Variants in TNRC6C observed in about 807,000 individuals in gnomAD.
TNRC6C encodes trinucleotide repeat-containing gene 6C protein.
Under a neutral mutation model 153.7 loss-of-function variants are expected in TNRC6C, and 20 were observed. The observed-to-expected ratio is 0.13, with a 90% CI of 0.09 to 0.19. TNRC6C has a LOEUF of 0.19. TNRC6C is among the 10% of genes least tolerant of loss of function. The pLI is 1.00. For synonymous variants in TNRC6C, 811 were observed against 841.4 expected (o/e 0.96, Z 0.63); for missense variants, 1,987 against 2,172.0 (o/e 0.91, Z 1.69).
At chr17:77,963,954 CTTTA>C (rs1299653403) in intron 1 of TNRC6C, among the ~76,000 whole-genome samples, 1 of 152,170 alleles carries the variant, frequency 6.6e-6, no homozygotes, top group Non-Finnish European at 1.5e-5. Flanking sequence ...CCATCTTCCT[CTTTA>C]TTTGCCTCTT....
In TNRC6C at chr17:78,105,973, C is replaced by T. The variant is rs117351878; in HGVS notation, c.*1128C>T. On this transcript the variant is annotated 3_prime_UTR_variant, in exon 20 of 20. Coordinates refer to ENST00000301624, the Ensembl canonical transcript of TNRC6C. ...AAATAACATGTATACCTACCTTTAG[C>T]AGCTTTTTATTGTGGACTAATGCAA... is the stretch of plus-strand genomic sequence containing the variant. 2.4e-4 allele frequency: 36 copies of T among 151,822 alleles called. 1 individual carries two copies. In the East Asian group the frequency reaches 6.6e-3, roughly 28 times the overall value. 9.4% of individuals were successfully genotyped at this position (151,822 alleles called of 1,614,324 possible).
intron 1 of TNRC6C, among the ~76,000 whole-genome samples, chr17:77,977,228 A>G (rs1015405127): frequency 5.3e-5 from 8 of 152,174 alleles, no homozygotes; most frequent in African/African-American, 1.9e-4. Context: ...TGATTTATAC[A>G]TATGTATTTA....
intron 6 of TNRC6C, 100 bp downstream of exon 8, chr17:78,071,265 A>G: frequency 8.3e-7 from 1 of 1,200,446 alleles, no homozygotes; most frequent in South Asian, 1.3e-5. Context: ...AGAAGACACC[A>G]AGATTGTTTG....
chr17:78,102,863 C>T (rs778358820), intron 18 of TNRC6C: 9 of 322,220 alleles, frequency 2.8e-5, no homozygotes, highest in Admixed American at 4.8e-5. Context: ...CCTGGCTGGG[C>T]GCAGTAGCTC....
chr17:77,999,888 G>C (rs555419792), upstream of TNRC6C, among the ~76,000 whole-genome samples: 64 of 152,324 alleles, frequency 4.2e-4, 1 homozygote, highest in African/African-American at 1.5e-3. Flanking sequence ...GGAGTCTTAC[G>C]TAACACAGCC....
intron 1 of TNRC6C, among the ~76,000 whole-genome samples, chr17:77,988,419 ATCT>A (rs2071203408): frequency 6.6e-6 from 1 of 152,080 alleles, no homozygotes; most frequent in South Asian, 2.1e-4. Flanking sequence ...TTTCCATTGC[ATCT>A]TCTTCCCAGC....
At chr17:78,031,493 C>A in intron 1 of TNRC6C, 23 bp from the exon 4 acceptor site, 2 of 1,231,924 alleles carry the variant, frequency 1.6e-6, no homozygotes, top group South Asian at 4.1e-5. Context: ...GTTTTGGGTT[C>A]TTTTGCCTTT....
At chr17:78,089,516 A>G (rs1247853130) in intron 13 of TNRC6C, among the ~76,000 whole-genome samples, 1 of 152,104 alleles carries the variant, frequency 6.6e-6, no homozygotes, top group African/African-American at 2.4e-5. Flanking sequence ...ACACTCATCA[A>G]TTCATGTAAA....
At chr17:78,051,675 T>G (rs549717062) in intron 3 of TNRC6C, among the ~76,000 whole-genome samples, 1 of 152,150 alleles carries the variant, frequency 6.6e-6, no homozygotes, top group East Asian at 1.9e-4. Context: ...TTAAGCACAC[T>G]CAGTAGAACA....
At chr17:78,078,252 G>A (rs1484270421) in intron 9 of TNRC6C, among the ~76,000 whole-genome samples, 2 of 152,194 alleles carry the variant, frequency 1.3e-5, no homozygotes, top group African/African-American at 2.4e-5. Flanking sequence ...CTGGGGTTAG[G>A]TTCACAGCTG....
upstream of TNRC6C, among the ~76,000 whole-genome samples, chr17:78,001,522 G>A (rs2071411762): frequency 6.6e-6 from 1 of 152,108 alleles, no homozygotes; most frequent in Admixed American, 6.5e-5. Flanking sequence ...TTCACACCAT[G>A]GTACATTATG....
At chr17:77,972,468 C>T (rs1003339070) in intron 1 of TNRC6C, among the ~76,000 whole-genome samples, 10 of 150,622 alleles carry the variant, frequency 6.6e-5, no homozygotes, top group Non-Finnish European at 1.5e-4. Flanking sequence ...GCCCAGATGG[C>T]GCCACTGCAC....
In TNRC6C at chr17:78,063,177, G is replaced by A. The variant is rs143277110; in HGVS notation, c.2396-1545G>A. Among the ~76,000 whole-genome samples the A allele has an allele frequency of 3.9e-3, 590 of 151,304 alleles. 7 individuals carry two copies. The highest frequency in any genetic ancestry group is 0.014 in the African/African-American group (563 of 41,286). ...ATGAGAACCCCTTAACCCGGGAGGC[G>A]GTGGTTGCAGTGAGCCAAGATTGTG... On this transcript the variant is annotated intron_variant, in intron 3 of 19. Coordinates refer to ENST00000301624, the Ensembl canonical transcript of TNRC6C.
At chr17:77,981,581 G>T (rs2071078033) in intron 1 of TNRC6C, among the ~76,000 whole-genome samples, 1 of 152,174 alleles carries the variant, frequency 6.6e-6, no homozygotes, top group Non-Finnish European at 1.5e-5. Flanking sequence ...AATGTCCTCA[G>T]GTCTTTGTAA....
chr17:78,063,533 G>T lies in TNRC6C; in HGVS notation c.2396-1189G>T, dbSNP rs977846418. 3.9e-5 allele frequency among the ~76,000 whole-genome samples: 6 copies of T among 152,092 alleles called. No individual in the cohort carries two copies. In the South Asian group the frequency reaches 1.2e-3, roughly 32 times the overall value. ...GCATCTCTAACCTGTTTCCACAAGG[G>T]ACCAATCCCTGAGGATGCTGTTGCA... is the stretch of plus-strand genomic sequence containing the variant. On this transcript the variant is annotated intron_variant, in intron 3 of 19. Transcript: ENST00000301624.
At chr17:78,029,738 A>G (rs1037719472) in intron 1 of TNRC6C, among the ~76,000 whole-genome samples, 1 of 151,996 alleles carries the variant, frequency 6.6e-6, no homozygotes, top group Non-Finnish European at 1.5e-5. Context: ...TTCTTTCTTT[A>G]TATCCTTATT....
chr17:78,077,249 C>G, exon 9 of TNRC6C: 1 of 1,601,036 alleles, frequency 6.2e-7, no homozygotes, highest in Non-Finnish European at 8.5e-7. Flanking sequence ...CTGAAGCTCC[C>G]CCTTTCACAC....
At chr17:77,965,766 T>C (rs1244297794) in intron 1 of TNRC6C, among the ~76,000 whole-genome samples, 1 of 152,190 alleles carries the variant, frequency 6.6e-6, no homozygotes, top group Non-Finnish European at 1.5e-5. Flanking sequence ...AGGTAATAGA[T>C]CATTATATAG....
At chr17:78,005,372 T>C (rs942949232) in intron 1 of TNRC6C, among the ~76,000 whole-genome samples, 12 of 152,226 alleles carry the variant, frequency 7.9e-5, no homozygotes, top group African/African-American at 2.9e-4. Context: ...ATAAAGTTGA[T>C]TCAGTTTGAA....
Sources: gnomAD v4.1 joint callset for allele counts (sites outside exome capture counted in the v4.1 genomes callset) on GRCh38, gnomAD v4.1.1 for gene constraint, MANE v1.5 for transcripts, NCBI Gene and HGNC (gene_info 2026-07-23, HGNC 2026-07-21) for gene names.